The following UNC5A variants were observed in gnomAD, a reference collection of about 807,000 sequenced individuals.
UNC5A encodes the protein netrin receptor UNC5A.
Under a neutral mutation model 87.4 loss-of-function variants are expected in UNC5A, and 20 were observed. The observed-to-expected ratio is 0.23, with a 90% confidence interval of 0.16 to 0.33. The LOEUF (loss-of-function observed/expected upper bound fraction) is 0.33. UNC5A is among the 10% of genes least tolerant of loss of function. UNC5A has a pLI of 1.00. For synonymous variants in UNC5A, 438 were observed against 482.3 expected, an observed-to-expected ratio of 0.91 and a Z score of 1.20; for missense variants, 844 against 1,133.4, an observed-to-expected ratio of 0.74 and a Z score of 3.67.
In UNC5A at chr5:176,874,405, G is replaced by T. The variant is rs745767930; in HGVS notation, c.1217G>T (p.Gly406Val). 1 of 1,613,452 alleles carries T rather than the reference G, an allele frequency of 6.2e-7. No individual in the cohort carries two copies. Residue 406 changes from glycine (G) to valine (V), a missense_variant, in exon 8 of 15, where the codon GGC (glycine) becomes GTC (valine). By Grantham distance (109) the Gly-to-Val change is moderately radical. This residue lies in a region of UNC5A where 353 missense variants were observed against 387.5 expected (regional missense o/e 0.91). Coordinates refer to ENST00000329542, the MANE Select transcript of UNC5A (RefSeq NM_133369.3). This position sits in a 1 kb window ranked among gnomAD's most constrained non-coding sequence, Gnocchi z 7.6. ...NGHLLSPLGGGRHTLHHSSPT... is the reference protein window; with the variant it reads ...NGHLLSPLGGVRHTLHHSSPT... ...CACCTGCTCAGCCCCCTGGGTGGCG[G>T]CCGCCACACACTGCACCACAGCTCT...
intron 14 of UNC5A, 29 bp from the exon 15 acceptor site, chr5:176,879,692 G>T: frequency 6.2e-7 from 1 of 1,608,592 alleles, no homozygotes; most frequent in Non-Finnish European, 8.5e-7. Context: ...GCCAGGCCAG[G>T]CTGCTGACGG....
chr5:176,831,699 C>T (rs1459732079), intron 1 of UNC5A, among the ~76,000 whole-genome samples: 2 of 152,166 alleles, frequency 1.3e-5, no homozygotes, highest in Non-Finnish European at 2.9e-5. Context: ...TCCTGCCCAC[C>T]TCCACCTCCC....
rs1407702376 is a variant in UNC5A at position 176,875,088 on chromosome 5, A to G, written c.1378+522A>G. Reference sequence around the variant, plus strand: ...CAAGTCCCTCAGCTTAGATGACCCCATGCGCTCCTGGTTTGCTTGCCCCTC... The same window carrying G: ...CAAGTCCCTCAGCTTAGATGACCCCGTGCGCTCCTGGTTTGCTTGCCCCTC... On this transcript the variant is annotated intron_variant, in intron 8 of 14. Transcript: ENST00000329542. This position sits in a 1 kb window ranked among gnomAD's most constrained non-coding sequence, Gnocchi z 5.2. Among the ~76,000 whole-genome samples, 2 of 151,990 alleles carry G rather than the reference A, an allele frequency of 1.3e-5. No homozygotes were observed. Among genetic ancestry groups the G allele is most frequent in the African/African-American group, 4.8e-5 (2 of 41,390 alleles).
intron 1 of UNC5A, among the ~76,000 whole-genome samples, chr5:176,854,321 C>T (rs970794319): frequency 6.6e-6 from 1 of 152,198 alleles, no homozygotes; most frequent in Admixed American, 6.5e-5. Context: ...ACAGCAAGTG[C>T]GGAACGTGTC....
At chr5:176,822,209 C>T (rs529077103) in intron 1 of UNC5A, among the ~76,000 whole-genome samples, 55 of 152,372 alleles carry the variant, frequency 3.6e-4, no homozygotes, top group Non-Finnish European at 6.8e-4. Context: ...TCTGCAGGTG[C>T]GAGCTGTGTG....
intron 1 of UNC5A, among the ~76,000 whole-genome samples, chr5:176,829,589 AGGTGGATGGATG>A (rs1756950756): frequency 8.4e-6 from 1 of 119,008 alleles, no homozygotes; most frequent in African/African-American, 3.2e-5. Flanking sequence ...TGGATAAAGT[AGGTGGATGGATG>A]GGTGGGTGGA....
chr5:176,847,426 C>T (rs1757437781), intron 1 of UNC5A, among the ~76,000 whole-genome samples: 1 of 152,216 alleles, frequency 6.6e-6, no homozygotes. Flanking sequence ...CGGGGGGGCC[C>T]TCAGCATCCT....
At chr5:176,858,155 A>G (rs1383474953) in intron 1 of UNC5A, among the ~76,000 whole-genome samples, 1 of 152,204 alleles carries the variant, frequency 6.6e-6, no homozygotes, top group African/African-American at 2.4e-5. Flanking sequence ...TGGACCGAGG[A>G]TGCACAGTCT....
chr5:176,876,934 G>C (rs890682273), intron 8 of UNC5A, among the ~76,000 whole-genome samples: 1 of 152,188 alleles, frequency 6.6e-6, no homozygotes, highest in Admixed American at 6.5e-5. Flanking sequence ...CATACCTTCT[G>C]TCCCCAAGTT....
Position 176,879,344 on chromosome 5 carries a change from G to GT in UNC5A, c.2220dup (p.Glu741Ter). ...TTTGCTGAGCTGCTGGCTCTGGAGAGTGAAGCGGGGGTCCCAGCCCTGGTG... is the reference window on the plus strand; with the variant it reads ...TTTGCTGAGCTGCTGGCTCTGGAGAGTTGAAGCGGGGGTCCCAGCCCTGGTG... On this transcript the variant is annotated frameshift_variant, in exon 14 of 15. Coordinates refer to ENST00000329542, the MANE Select transcript of UNC5A (RefSeq NM_133369.3). LOFTEE classifies it high-confidence loss of function. 1 of 1,611,302 alleles carries GT rather than the reference G, an allele frequency of 6.2e-7. No individual in the cohort carries two copies. The highest frequency in any genetic ancestry group is 8.5e-7 in the Non-Finnish European group (1 of 1,178,974).
chr5:176,879,574 C>T, intron 14 of UNC5A, 86 bp downstream of exon 14: 2 of 1,544,202 alleles, frequency 1.3e-6, no homozygotes, highest in Non-Finnish European at 1.7e-6. Flanking sequence ...ACAGGAGGCC[C>T]TGTGGGGCCT....
chr5:176,829,643 C>T (rs2113603105), intron 1 of UNC5A, among the ~76,000 whole-genome samples: 1 of 151,568 alleles, frequency 6.6e-6, no homozygotes, highest in South Asian at 2.1e-4. Context: ...GGTAGATAGA[C>T]AAGTAGATAT....
At chr5:176,817,555 G>C (rs1291133578) in intron 1 of UNC5A, among the ~76,000 whole-genome samples, 1 of 151,442 alleles carries the variant, frequency 6.6e-6, no homozygotes, top group Non-Finnish European at 1.5e-5. Flanking sequence ...CATCTTTCCA[G>C]CACCGCCCCC....
intron 1 of UNC5A, among the ~76,000 whole-genome samples, chr5:176,836,367 G>A (rs1217777036): frequency 6.6e-6 from 1 of 152,164 alleles, no homozygotes; most frequent in Non-Finnish European, 1.5e-5. Flanking sequence ...GGGCAGAACT[G>A]GATTGTATTA....
At chr5:176,877,796 C>T (rs1446267153) in intron 10 of UNC5A, 93 bp downstream of exon 10, 2 of 1,511,714 alleles carry the variant, frequency 1.3e-6, no homozygotes, top group East Asian at 2.4e-5. Flanking sequence ...CTGAGCCGCA[C>T]CCCCACCCCT....
rs1410096349 is a variant in UNC5A at position 176,869,184 on chromosome 5, C to T, written c.721+220C>T. Reference sequence around the variant, plus strand: ...CAGATTGGAGGTCCTTTGTGGGCAGCGGGCATTGTGCAGAAGGAGATGAGG... The same window carrying T: ...CAGATTGGAGGTCCTTTGTGGGCAGTGGGCATTGTGCAGAAGGAGATGAGG... On this transcript the variant is annotated intron_variant, in intron 5 of 14. Coordinates refer to ENST00000329542, the MANE Select transcript of UNC5A (RefSeq NM_133369.3). The surrounding 1 kb of genome is among the most constrained non-coding windows in gnomAD (Gnocchi z 9.1). Among the ~76,000 whole-genome samples, 1 of 152,072 alleles carries T rather than the reference C, an allele frequency of 6.6e-6. No individual in the cohort carries two copies. Among genetic ancestry groups the T allele is most frequent in the African/African-American group, 2.4e-5 (1 of 41,392 alleles).
At chr5:176,878,875 G>A (rs1396376690) in intron 13 of UNC5A, among the ~76,000 whole-genome samples, 1 of 152,210 alleles carries the variant, frequency 6.6e-6, no homozygotes, top group Non-Finnish European at 1.5e-5. Flanking sequence ...GCAGCAGGAG[G>A]GGAGACCCTG....
At chr5:176,839,843 G>A (rs1264625602) in intron 1 of UNC5A, among the ~76,000 whole-genome samples, 1 of 125,708 alleles carries the variant, frequency 8.0e-6, no homozygotes, top group African/African-American at 3.1e-5. Flanking sequence ...TCTTGACAGA[G>A]TCTCACTCTG....
At chr5:176,872,698 G>A (rs535691876) in intron 6 of UNC5A, among the ~76,000 whole-genome samples, 334 of 104,372 alleles carry the variant, frequency 3.2e-3, no homozygotes, top group Non-Finnish European at 4.5e-3. Context: ...CCACACCACA[G>A]CTTCCCATCT....
Sources: gnomAD v4.1 joint callset for allele counts (sites outside exome capture counted in the v4.1 genomes callset) on GRCh38, gnomAD v4.1.1 for gene constraint, gnomAD v4.1.1 regional missense constraint, Gnocchi (gnomAD v3.1) non-coding constraint, MANE v1.5 for transcripts, NCBI Gene and HGNC (gene_info 2026-07-23, HGNC 2026-07-21) for gene names.